TBC1D22A: variants seen among roughly 807,000 people sequenced by gnomAD.
The protein encoded by TBC1D22A is putative GTPase activator.
TBC1D22A carries 38 observed loss-of-function variants against 60.2 expected under a neutral mutation model. The observed-to-expected ratio is 0.63, with a 90% CI of 0.49 to 0.83. TBC1D22A has a LOEUF of 0.83. TBC1D22A is among the 40% of genes least tolerant of loss of function. The probability of loss-of-function intolerance (pLI) is 0.00; values close to 1 mark genes in which losing one functional copy is unlikely to be tolerated. For synonymous variants in TBC1D22A, 302 were observed against 281.7 expected (o/e 1.07, Z -0.72); for missense variants, 628 against 701.0 (o/e 0.90, Z 1.18).
At chr22:47,112,573 C>T (rs538605526) in intron 12 of TBC1D22A, among the ~76,000 whole-genome samples, 3 of 152,182 alleles carry the variant, frequency 2.0e-5, no homozygotes, top group South Asian at 2.1e-4. Context: ...CCTGCCGCCC[C>T]GCTTCATCTC....
At chr22:46,889,075 C>CT (rs1200166051) in intron 5 of TBC1D22A, among the ~76,000 whole-genome samples, 1 of 152,160 alleles carries the variant, frequency 6.6e-6, no homozygotes, top group African/African-American at 2.4e-5. Context: ...CTTCATGAAA[C>CT]TTTAAGACCT....
intron 11 of TBC1D22A, among the ~76,000 whole-genome samples, chr22:47,061,249 C>T (rs1241444136): frequency 3.3e-5 from 5 of 152,178 alleles, no homozygotes; most frequent in Non-Finnish European, 7.3e-5. Flanking sequence ...CTGTCTTCCT[C>T]GGTGCCCTCA....
intron 5 of TBC1D22A, among the ~76,000 whole-genome samples, chr22:46,880,303 G>A (rs958733951): frequency 6.6e-5 from 10 of 152,210 alleles, no homozygotes; most frequent in African/African-American, 1.9e-4. Context: ...TTTCTGATTA[G>A]CCTTTCCAAA....
At chr22:47,098,778 C>T (rs1171561801) in intron 11 of TBC1D22A, among the ~76,000 whole-genome samples, 3 of 152,220 alleles carry the variant, frequency 2.0e-5, no homozygotes, top group East Asian at 1.9e-4. Context: ...GTCCTGCCCT[C>T]GCTGGGCTGA....
chr22:46,767,734 G>A (rs924715641), intron 1 of TBC1D22A, among the ~76,000 whole-genome samples: 1 of 152,148 alleles, frequency 6.6e-6, no homozygotes, highest in African/African-American at 2.4e-5. Flanking sequence ...TGCACGAGGT[G>A]AGGGAACAGG....
At chr22:46,954,436 G>A (rs73186519) in intron 8 of TBC1D22A, among the ~76,000 whole-genome samples, 6,792 of 152,298 alleles carry the variant, frequency 0.045, 165 homozygotes, top group South Asian at 0.072. Context: ...GGTCAGATAC[G>A]TTGATTTCCT....
At chr22:46,902,114 G>C (rs990389203) in intron 7 of TBC1D22A, among the ~76,000 whole-genome samples, 7 of 152,214 alleles carry the variant, frequency 4.6e-5, no homozygotes, top group Admixed American at 2.6e-4. Flanking sequence ...GTCCTTAGTA[G>C]GGGACCTCAA....
chr22:46,941,746 A>G (rs1048558258), intron 8 of TBC1D22A, among the ~76,000 whole-genome samples: 1 of 147,668 alleles, frequency 6.8e-6, no homozygotes, highest in Non-Finnish European at 1.5e-5. Flanking sequence ...GAATATATAT[A>G]TGCGGAATAT....
At chr22:46,976,268 G>A (rs2074290020) in intron 9 of TBC1D22A, among the ~76,000 whole-genome samples, 2 of 152,160 alleles carry the variant, frequency 1.3e-5, no homozygotes, top group Non-Finnish European at 2.9e-5. Context: ...TGGCAGGGCC[G>A]ATGAGTGTGA....
intron 12 of TBC1D22A, among the ~76,000 whole-genome samples, chr22:47,130,558 C>G (rs1052861426): frequency 6.6e-6 from 1 of 152,246 alleles, no homozygotes; most frequent in Non-Finnish European, 1.5e-5. Flanking sequence ...TCCTCTCTTA[C>G]AGTGTCCAGC....
rs116780212 is a variant in TBC1D22A, at chr22:47,126,339, C to T, written c.1425+14736C>T. Reference sequence around the variant, plus strand: ...TTTTCAGGCCACCAGAAGACAGGGACGCCATGATCCCCTTCCCCTGTGGTT... The same window carrying T: ...TTTTCAGGCCACCAGAAGACAGGGATGCCATGATCCCCTTCCCCTGTGGTT... On this transcript the variant is annotated intron_variant, in intron 12 of 12. Transcript: ENST00000337137. Among the ~76,000 whole-genome samples the T allele has an allele frequency of 7.5e-3, 1,142 of 152,334 alleles. 12 individuals are homozygous for T. Among genetic ancestry groups the T allele is most frequent in the African/African-American group, 0.022 (933 of 41,588 alleles).
chr22:46,879,275 G>T (rs1008217263), intron 5 of TBC1D22A, among the ~76,000 whole-genome samples: 1 of 151,532 alleles, frequency 6.6e-6, no homozygotes, highest in Non-Finnish European at 1.5e-5. Context: ...CTCAGCTGCC[G>T]GTCTGGAAGT....
At chr22:47,004,159 T>TACACCC (rs1244105257) in intron 10 of TBC1D22A, among the ~76,000 whole-genome samples, 1 of 145,626 alleles carries the variant, frequency 6.9e-6, no homozygotes, top group Non-Finnish European at 1.5e-5. Flanking sequence ...CACACTCCTA[T>TACACCC]ACACACACCC....
intron 10 of TBC1D22A, among the ~76,000 whole-genome samples, chr22:46,998,087 C>T (rs2075180644): frequency 6.6e-6 from 1 of 151,906 alleles, no homozygotes; most frequent in Admixed American, 6.6e-5. Flanking sequence ...AATAATTTCT[C>T]CATGGAATCT....
At chr22:47,107,399 A>C (rs1194979437) in intron 11 of TBC1D22A, among the ~76,000 whole-genome samples, 3 of 152,216 alleles carry the variant, frequency 2.0e-5, no homozygotes, top group Non-Finnish European at 4.4e-5. Flanking sequence ...GCTAGTTATG[A>C]GAGAAATATA....
At chr22:46,970,283 A>G (rs1426699034) in intron 8 of TBC1D22A, among the ~76,000 whole-genome samples, 3 of 150,496 alleles carry the variant, frequency 2.0e-5, no homozygotes, top group Non-Finnish European at 3.0e-5. Flanking sequence ...CCCTCCGTTG[A>G]TTGGCATCTG....
intron 7 of TBC1D22A, among the ~76,000 whole-genome samples, chr22:46,906,253 G>A (rs370433376): frequency 5.9e-5 from 9 of 152,148 alleles, no homozygotes; most frequent in Admixed American, 2.6e-4. Context: ...AATAGCTATC[G>A]TTGGAGGGAG....
chr22:46,868,475 A>G (rs2067156730), intron 4 of TBC1D22A, among the ~76,000 whole-genome samples: 2 of 152,316 alleles, frequency 1.3e-5, no homozygotes, highest in Admixed American at 1.3e-4. Context: ...AAATCTGGAA[A>G]AAAACCCAGA....
At chr22:47,006,668 C>A (rs6009096) in intron 10 of TBC1D22A, among the ~76,000 whole-genome samples, 3 of 152,008 alleles carry the variant, frequency 2.0e-5, no homozygotes, top group Admixed American at 6.5e-5. Flanking sequence ...TTTCTCCCCC[C>A]GCTCTAGTGG....
Sources: gnomAD v4.1 joint callset for allele counts (sites outside exome capture counted in the v4.1 genomes callset) on GRCh38, gnomAD v4.1.1 for gene constraint, MANE v1.5 for transcripts, NCBI Gene and HGNC (gene_info 2026-07-23, HGNC 2026-07-21) for gene names.